MYO1E: variants seen among roughly 807,000 people sequenced by gnomAD.
The protein encoded by MYO1E is unconventional myosin-Ie.
MYO1E carries 68 observed loss-of-function variants against 151.1 expected under a neutral mutation model. That is an observed-to-expected ratio of 0.45 (90% CI 0.37 to 0.55). The LOEUF is 0.55. Ranked by LOEUF, MYO1E falls within the 20% of genes least tolerant of loss-of-function variation. The pLI, the probability that MYO1E is intolerant of heterozygous loss-of-function variation, is 0.00. For missense variants in MYO1E, 1,363 were observed against 1,389.3 expected, an observed-to-expected ratio of 0.98 and a Z score of 0.30; for synonymous variants, 601 against 501.7, an observed-to-expected ratio of 1.20 and a Z score of -2.64.
rs376314674 is a variant in MYO1E at position 59,250,439 on chromosome 15, C to T, written c.332+5845G>A. 7.5e-4 allele frequency among the ~76,000 whole-genome samples: 114 copies of T among 152,268 alleles called. 2 individuals carry two copies. Among genetic ancestry groups the T allele is most frequent in the African/African-American group, 2.7e-3 (113 of 41,548 alleles). On this transcript the variant is annotated intron_variant, in intron 4 of 27. Coordinates refer to ENST00000288235, the MANE Select transcript of MYO1E (RefSeq NM_004998.4). ...CACACCTCATACCGGTAGGAGGTAG[C>T]GCTGTCCATGACTCCACAGGGAGAG...
intron 3 of MYO1E, among the ~76,000 whole-genome samples, chr15:59,258,954 G>GT (rs201872129): frequency 0.012 from 1,773 of 148,714 alleles, 34 homozygotes; most frequent in African/African-American, 0.038. Context: ...CCCCTCTCTT[G>GT]TTTTTTTTTG....
intron 4 of MYO1E, among the ~76,000 whole-genome samples, chr15:59,241,324 G>A (rs1273728665): frequency 6.6e-6 from 1 of 152,096 alleles, no homozygotes; most frequent in Admixed American, 6.5e-5. Context: ...GCAAGATCTC[G>A]TTTCTTAAAA....
intron 4 of MYO1E, among the ~76,000 whole-genome samples, chr15:59,244,692 C>A (rs1342405279): frequency 1.3e-5 from 2 of 152,276 alleles, no homozygotes; most frequent in Admixed American, 6.5e-5. Context: ...AACTTTGTCA[C>A]ATTTCAAATG....
At chr15:59,346,134 C>T (rs1378016040) in intron 1 of MYO1E, among the ~76,000 whole-genome samples, 2 of 152,186 alleles carry the variant, frequency 1.3e-5, no homozygotes, top group African/African-American at 4.8e-5. Flanking sequence ...ATCCCTCATT[C>T]AGCTAGGCAG....
chr15:59,256,114 T>C (rs550146648), intron 4 of MYO1E, among the ~76,000 whole-genome samples, 170 bp downstream of exon 4: 17 of 152,208 alleles, frequency 1.1e-4, no homozygotes, highest in Admixed American at 1.3e-4. Flanking sequence ...CTCTATTATA[T>C]AGAGTTATAA....
In MYO1E at chr15:59,195,517, G is replaced by A. The variant is rs560457111; in HGVS notation, c.1749C>T (p.Tyr583=). 3 of 1,614,168 alleles carry A rather than the reference G, an allele frequency of 1.9e-6. No individual in the cohort carries two copies. The highest frequency in any genetic ancestry group is 2.5e-6 in the Non-Finnish European group (3 of 1,180,006). Residue 583 remains tyrosine, a synonymous_variant, in exon 17 of 28, where the codon TAC becomes TAT. Coordinates refer to ENST00000288235, the MANE Select transcript of MYO1E (RefSeq NM_004998.4). ...TTTCGTTTGGCTTGATGCAGCGAAT[G>A]TAGTGGGGCGTACATTTCATCAGGG... ...VSTLMKCTPH[Y]IRCIKPNETK...
rs1181729917 is a variant in MYO1E, at chr15:59,159,146, G to T, written c.2786-767C>A. Among the ~76,000 whole-genome samples the T allele has an allele frequency of 6.6e-6, 1 of 152,214 alleles. No individual in the cohort carries two copies. Among genetic ancestry groups the T allele is most frequent in the East Asian group, 1.9e-4 (1 of 5,198 alleles). On this transcript the variant is annotated intron_variant, in intron 24 of 27. Coordinates refer to ENST00000288235, the MANE Select transcript of MYO1E (RefSeq NM_004998.4). This position sits in a 1 kb window ranked among gnomAD's most constrained non-coding sequence, Gnocchi z 4.4. ...AATAGAGAAGGGTAGGAGGTGACAA[G>T]GTGCACAGTGCAAACACAGCAAAGG...
At chr15:59,141,321 C>G (rs1057152786) in intron 26 of MYO1E, among the ~76,000 whole-genome samples, 5 of 152,216 alleles carry the variant, frequency 3.3e-5, no homozygotes, top group Non-Finnish European at 7.3e-5. Flanking sequence ...CTCACAGATA[C>G]TAAACTCCAC....
chr15:59,241,965 T>C (rs568583757), intron 4 of MYO1E, among the ~76,000 whole-genome samples: 1 of 147,884 alleles, frequency 6.8e-6, no homozygotes, highest in South Asian at 2.1e-4. Context: ...AAATAAATAA[T>C]AGGCCTTGAC....
intron 5 of MYO1E, among the ~76,000 whole-genome samples, chr15:59,235,350 T>A (rs1227205454): frequency 1.3e-5 from 2 of 152,162 alleles, no homozygotes; most frequent in African/African-American, 4.8e-5. Context: ...TGTGTATACT[T>A]CGAGGGATAT....
At chr15:59,257,652 G>A (rs1279851289) in intron 3 of MYO1E, among the ~76,000 whole-genome samples, 1 of 152,164 alleles carries the variant, frequency 6.6e-6, no homozygotes, top group Non-Finnish European at 1.5e-5. Context: ...TTGGTGGGGA[G>A]GGGTTAGGAT....
chr15:59,365,285 C>T (rs539626417), intron 1 of MYO1E, among the ~76,000 whole-genome samples: 2 of 152,242 alleles, frequency 1.3e-5, no homozygotes, highest in African/African-American at 2.4e-5. Context: ...TTCCAAAGTG[C>T]TGGGATTACG....
intron 26 of MYO1E, among the ~76,000 whole-genome samples, chr15:59,144,244 G>T (rs1329689681): frequency 6.6e-6 from 1 of 151,980 alleles, no homozygotes. Flanking sequence ...TCGGCTCACT[G>T]CAACCTCCAC....
chr15:59,193,082 C>CTAGATCCCAGTCTAGTTCTTTGCTG (rs1180010062), intron 17 of MYO1E, among the ~76,000 whole-genome samples: 4 of 152,226 alleles, frequency 2.6e-5, no homozygotes, highest in Non-Finnish European at 4.4e-5. Flanking sequence ...GTTCTTTGCT[C>CTAGATCCCAGTCTAGTTCTTTGCTG]TAGATCAGTG....
chr15:59,372,494 T>G lies in MYO1E; in HGVS notation c.3+4A>C, dbSNP rs1310492088. ...CGTCCTAGGACGCGGCGCGGCCAAC[T>G]CACCATGGTGACTCGCGCCGCGGTC... On this transcript the variant is annotated splice_donor_region_variant and intron_variant, in intron 1 of 27. Coordinates refer to ENST00000288235, the MANE Select transcript of MYO1E (RefSeq NM_004998.4). The G allele has an allele frequency of 1.3e-6, 2 of 1,538,300 alleles. No homozygotes were observed. Among genetic ancestry groups the G allele is most frequent in the Non-Finnish European group, 1.7e-6 (2 of 1,143,972 alleles).
intron 1 of MYO1E, among the ~76,000 whole-genome samples, chr15:59,318,726 T>C (rs1475260128): frequency 1.3e-5 from 2 of 152,172 alleles, no homozygotes; most frequent in Non-Finnish European, 2.9e-5. Flanking sequence ...TGCCAGGCAG[T>C]GTACTAAGGA....
rs2079519609 is a variant in MYO1E, at chr15:59,158,295, G to A, written c.2870C>T (p.Pro957Leu). The change falls in exon 25 of 28, where the codon CCT becomes CTT. Residue 957 changes from proline (P) to leucine (L), a missense_variant. Pro to Leu is a moderately conservative substitution (Grantham distance 98). Transcript: ENST00000288235. ...GTACGTAGCTGGCTTACCTGGGGGA[G>A]GAGGGGCAGCTCTCACTGGGTAGTT... Reference protein sequence around the residue: ...NANYPVRAAPPPPGYHQNGVI... With the variant: ...NANYPVRAAPLPPGYHQNGVI... 6.4e-7 allele frequency: 1 copy of A among 1,571,418 alleles called. No individual in the cohort carries two copies. Among genetic ancestry groups the A allele is most frequent in the African/African-American group, 1.3e-5 (1 of 74,202 alleles).
chr15:59,218,813 G>A (rs1240381496), intron 9 of MYO1E, among the ~76,000 whole-genome samples: 1 of 152,192 alleles, frequency 6.6e-6, no homozygotes, highest in Non-Finnish European at 1.5e-5. Context: ...TACGATTTGT[G>A]CAGATGCAGA....
intron 1 of MYO1E, among the ~76,000 whole-genome samples, chr15:59,288,436 CAA>C (rs1179681872): frequency 1.3e-5 from 2 of 152,168 alleles, no homozygotes; most frequent in African/African-American, 2.4e-5. Flanking sequence ...CTTGGCCTCC[CAA>C]AGTGTTGGGA....
Sources: gnomAD v4.1 joint callset for allele counts (sites outside exome capture counted in the v4.1 genomes callset) on GRCh38, gnomAD v4.1.1 for gene constraint, Gnocchi (gnomAD v3.1) non-coding constraint, MANE v1.5 for transcripts, NCBI Gene and HGNC (gene_info 2026-07-23, HGNC 2026-07-21) for gene names.